FER1L6: variants seen among roughly 807,000 people sequenced by gnomAD.
The protein encoded by FER1L6 is fer-1-like protein 6.
Under a neutral mutation model 219.2 loss-of-function variants are expected in FER1L6, and 177 were observed. That is an observed-to-expected ratio of 0.81 (90% CI 0.71 to 0.91). The LOEUF is 0.91. Ranked by LOEUF, FER1L6 falls within the 40% of genes least tolerant of loss-of-function variation. The probability of loss-of-function intolerance (pLI) is 0.00; values close to 1 mark genes in which losing one functional copy is unlikely to be tolerated. For synonymous variants in FER1L6, 768 were observed against 824.3 expected (o/e 0.93, Z 1.17); for missense variants, 2,153 against 2,259.9 (o/e 0.95, Z 0.96).
chr8:124,049,598 C>CTTCTT lies in FER1L6; in HGVS notation c.2725-7_2725-3dup. 6.2e-7 allele frequency: 1 copy of CTTCTT among 1,613,480 alleles called. No homozygotes were observed. The highest frequency in any genetic ancestry group is 1.7e-5 in the Admixed American group (1 of 59,988). ...CAGGAAATACAAACTCATTTCTTTT[C>CTTCTT]TTCTTTAGGGGAAGCCAGAATATTT... On this transcript the variant is annotated splice_polypyrimidine_tract_variant and intron_variant, in intron 21 of 40. Coordinates refer to ENST00000522917, the MANE Select transcript of FER1L6 (RefSeq NM_001039112.2).
chr8:123,956,185 T>A, intron 2 of FER1L6, 111 bp downstream of exon 2: 2 of 979,240 alleles, frequency 2.0e-6, no homozygotes, highest in East Asian at 2.6e-5. Flanking sequence ...GGAGTGTGAA[T>A]GTGCTGCCCC....
chr8:124,057,575 TTTCTC>T (rs1473510303), intron 22 of FER1L6, among the ~76,000 whole-genome samples: 3 of 152,138 alleles, frequency 2.0e-5, no homozygotes. Flanking sequence ...TTCCTCCTCT[TTTCTC>T]TTCTCTCCCT....
chr8:123,940,017 C>T (rs1033251551), intron 1 of FER1L6, among the ~76,000 whole-genome samples: 1 of 152,192 alleles, frequency 6.6e-6, no homozygotes, highest in Non-Finnish European at 1.5e-5. Context: ...GCACTGTGCT[C>T]TTGACCCAAA....
intron 26 of FER1L6, among the ~76,000 whole-genome samples, chr8:124,064,785 G>A (rs1302650040): frequency 6.6e-6 from 1 of 152,124 alleles, no homozygotes; most frequent in Non-Finnish European, 1.5e-5. Flanking sequence ...TTAAAGTGCT[G>A]GTCAAATGTG....
chr8:123,946,582 T>A (rs1406003289), intron 1 of FER1L6, among the ~76,000 whole-genome samples: 1 of 152,182 alleles, frequency 6.6e-6, no homozygotes, highest in African/African-American at 2.4e-5. Flanking sequence ...TTAGTGGTTT[T>A]CAAACTTTAA....
intron 28 of FER1L6, among the ~76,000 whole-genome samples, chr8:124,068,679 G>A (rs1471794815): frequency 1.3e-5 from 2 of 152,152 alleles, no homozygotes; most frequent in African/African-American, 4.8e-5. Flanking sequence ...TCTGTTCTTT[G>A]CTAGTTGGGT....
chr8:123,992,689 G>T (rs1308973463), intron 12 of FER1L6, among the ~76,000 whole-genome samples: 1 of 151,642 alleles, frequency 6.6e-6, no homozygotes, highest in Non-Finnish European at 1.5e-5. Flanking sequence ...GTATATTTTT[G>T]GTTTCAATTT....
At chr8:124,029,451 T>C (rs1331869098) in intron 18 of FER1L6, among the ~76,000 whole-genome samples, 2 of 152,176 alleles carry the variant, frequency 1.3e-5, no homozygotes, top group Admixed American at 1.3e-4. Flanking sequence ...TTGACTTTTT[T>C]ATAATTGCCT....
In FER1L6 at chr8:124,097,824, C is replaced by T. The variant is rs377164697; in HGVS notation, c.4824C>T (p.Val1608=). The change falls in exon 37 of 41, where the codon GTC becomes GTT. Residue 1608 remains valine (V), a synonymous_variant. Transcript: ENST00000522917. Reference sequence around the variant, plus strand: ...TGACCATCTGGAACACTGAAGATGTCATTTTAGAGGATGAGAATATCTTCA... The same window carrying T: ...TGACCATCTGGAACACTGAAGATGTTATTTTAGAGGATGAGAATATCTTCA... The part of the protein sequence containing the change: ...LRVTIWNTED[V]ILEDENIFTG... 5.0e-6 allele frequency: 8 copies of T among 1,607,282 alleles called. No individual in the cohort carries two copies. The highest frequency in any genetic ancestry group is 2.7e-5 in the African/African-American group (2 of 74,788).
At chr8:123,959,570 G>A (rs958744364) in intron 2 of FER1L6, among the ~76,000 whole-genome samples, 1 of 152,184 alleles carries the variant, frequency 6.6e-6, no homozygotes, top group African/African-American at 2.4e-5. Flanking sequence ...CACCTACAAG[G>A]CCTGGCCTAG....
intron 1 of FER1L6, among the ~76,000 whole-genome samples, chr8:123,888,624 CT>C (rs1489253496): frequency 1.3e-5 from 2 of 152,072 alleles, no homozygotes; most frequent in Non-Finnish European, 2.9e-5. Context: ...GAGGTTTGGC[CT>C]TTAAAAATCA....
intron 39 of FER1L6, among the ~76,000 whole-genome samples, chr8:124,112,213 G>T (rs545707659): frequency 9.2e-5 from 14 of 152,160 alleles, no homozygotes; most frequent in Non-Finnish European, 1.9e-4. Context: ...ATTCAAACAT[G>T]GCTGTCTGGT....
chr8:124,035,228 A>G (rs778313450), intron 18 of FER1L6, 49 bp from the exon 19 acceptor site: 1 of 1,577,882 alleles, frequency 6.3e-7, no homozygotes, highest in Non-Finnish European at 8.6e-7. Flanking sequence ...GGGGAGGCCT[A>G]TAATTATCTC....
chr8:124,021,029 G>A (rs1301785075), intron 16 of FER1L6, among the ~76,000 whole-genome samples: 9 of 152,140 alleles, frequency 5.9e-5, no homozygotes. Context: ...GCAAGGAGGA[G>A]CAAGTCACAT....
chr8:123,963,259 CCTTT>C lies in FER1L6; in HGVS notation c.77-18_77-15del, dbSNP rs1563711069. ...CATGTCAATTTCACAGGATTTTCTT[CCTTT>C]GTTTGCTTCTCCAGATAGTCAAGGT... On this transcript the variant is annotated splice_polypyrimidine_tract_variant and intron_variant, in intron 2 of 40. Coordinates refer to ENST00000522917, the MANE Select transcript of FER1L6 (RefSeq NM_001039112.2). 1.2e-6 allele frequency: 2 copies of C among 1,613,354 alleles called. No individual in the cohort carries two copies. The highest frequency in any genetic ancestry group is 2.7e-5 in the African/African-American group (2 of 75,036).
In FER1L6 at chr8:124,021,641, TG is replaced by T. The variant is rs958449656; in HGVS notation, c.2107del (p.Glu703LysfsTer96). 6.2e-7 allele frequency: 1 copy of T among 1,614,000 alleles called. No individual in the cohort carries two copies. The highest frequency in any genetic ancestry group is 8.5e-7 in the Non-Finnish European group (1 of 1,179,982). ...ATGATTCACGAAGCCCAAAACTTTG[TG>T]GAAAAAATCCGCTTTCTTGTTGATG... The part of the protein sequence containing the change: ...DEMIHEAQNF[V>X]EKIRFLVDEP... On this transcript the variant is annotated frameshift_variant, in exon 17 of 41. Transcript: ENST00000522917. LOFTEE classifies it high-confidence loss of function.
At chr8:124,009,956 G>A (rs1817841334) in intron 13 of FER1L6, among the ~76,000 whole-genome samples, 1 of 152,034 alleles carries the variant, frequency 6.6e-6, no homozygotes, top group Admixed American at 6.5e-5. Context: ...GCAGACCCAG[G>A]GAGGAGCAAT....
At chr8:123,942,527 A>C (rs1814281537) in intron 1 of FER1L6, among the ~76,000 whole-genome samples, 1 of 152,224 alleles carries the variant, frequency 6.6e-6, no homozygotes, top group South Asian at 2.1e-4. Flanking sequence ...GAAGTCAAAA[A>C]TGTTGGCAGG....
intron 5 of FER1L6, among the ~76,000 whole-genome samples, chr8:123,967,083 A>T (rs1018462735): frequency 5.6e-5 from 4 of 71,610 alleles, no homozygotes; most frequent in Non-Finnish European, 1.1e-4. Context: ...CTCCACCTCA[A>T]AAAAAAAAAA....
Sources: gnomAD v4.1 joint callset for allele counts (sites outside exome capture counted in the v4.1 genomes callset) on GRCh38, gnomAD v4.1.1 for gene constraint, MANE v1.5 for transcripts, NCBI Gene and HGNC (gene_info 2026-07-23, HGNC 2026-07-21) for gene names.